Variants in ARMC8 observed in about 807,000 individuals in gnomAD.
The protein encoded by ARMC8 is armadillo repeat containing 8, also known as armadillo repeat-containing protein 8.
In ARMC8, 20 loss-of-function variants were observed where a neutral mutation model predicts 99.3. The observed-to-expected ratio is 0.20, with a 90% CI of 0.14 to 0.29. The LOEUF is 0.29. ARMC8 is among the 10% of genes least tolerant of loss of function. The pLI is 1.00. For missense variants in ARMC8, 569 were observed against 809.5 expected, an observed-to-expected ratio of 0.70 and a Z score of 3.60; for synonymous variants, 263 against 278.3, an observed-to-expected ratio of 0.95 and a Z score of 0.55.
At chr3:138,243,214 T>A (rs912209441) in intron 11 of ARMC8, among the ~76,000 whole-genome samples, 1 of 152,244 alleles carries the variant, frequency 6.6e-6, no homozygotes, top group Admixed American at 6.5e-5. Context: ...ATCATTTAAC[T>A]AGTACGTAGA....
chr3:138,245,849 T>C, intron 12 of ARMC8: 1 of 985,582 alleles, frequency 1.0e-6, no homozygotes, highest in Non-Finnish European at 1.2e-6. Context: ...CTGACTTGGC[T>C]CCTTCCACAA....
chr3:138,267,246 G>T lies in ARMC8; in HGVS notation c.1386+5G>T. ...GAATTTTCTCCAAGCAAAGAGGTTA[G>T]TATTGATTTTCTTTTCCTAGACTTT... On this transcript the variant is annotated splice_donor_5th_base_variant and intron_variant, in intron 15 of 21. Transcript: ENST00000469044. 1 of 1,533,380 alleles carries T rather than the reference G, an allele frequency of 6.5e-7. No homozygotes were observed. Among genetic ancestry groups the T allele is most frequent in the Non-Finnish European group, 8.9e-7 (1 of 1,129,130 alleles). The allele number at this position is 1,533,380 out of a possible 1,614,324, so 95.0% of individuals were successfully genotyped here. A position where few individuals can be genotyped will look rare whatever the true frequency, so the allele number is the denominator to read the frequency against.
chr3:138,274,232 CATGT>C (rs761808314), intron 17 of ARMC8, among the ~76,000 whole-genome samples: 24 of 145,390 alleles, frequency 1.7e-4, no homozygotes, highest in African/African-American at 6.4e-4. Flanking sequence ...TGTGTATATA[CATGT>C]GTGTGTGTGT....
intron 14 of ARMC8, among the ~76,000 whole-genome samples, chr3:138,264,534 C>T (rs1019703386): frequency 4.7e-5 from 7 of 148,050 alleles, no homozygotes; most frequent in South Asian, 2.1e-4. Context: ...ATTCTTCTGC[C>T]TCAGCCTCTC....
At chr3:138,262,886 G>A (rs1484363405) in intron 12 of ARMC8, among the ~76,000 whole-genome samples, 1 of 152,206 alleles carries the variant, frequency 6.6e-6, no homozygotes, top group Non-Finnish European at 1.5e-5. Context: ...GGAGTCACAT[G>A]CCTGGGTACG....
chr3:138,188,162 C>T, intron 1 of ARMC8: 1 of 270,028 alleles, frequency 3.7e-6, no homozygotes, highest in Non-Finnish European at 7.2e-6. Flanking sequence ...TTCGTATCAG[C>T]TGCAACTCTT....
At position 138,298,340 on chromosome 3, in the gene ARMC8, T is replaced by C. The variant is rs549008067; in HGVS notation, c.*2448T>C. ...TCTGGTAGTGTTTGGATAATATGATTTTAACACATGCTAATAAAAGCCAAG... is the reference window on the plus strand; with the variant it reads ...TCTGGTAGTGTTTGGATAATATGATCTTAACACATGCTAATAAAAGCCAAG... On this transcript the variant is annotated 3_prime_UTR_variant, in exon 22 of 22. Transcript: ENST00000469044. 3 of 152,358 alleles carry C rather than the reference T, an allele frequency of 2.0e-5. No homozygotes were observed. In the East Asian group the frequency reaches 5.8e-4, roughly 29 times the overall value. The allele number at this position is 152,358 out of a possible 1,614,324, so 9.4% of individuals were successfully genotyped here.
intron 11 of ARMC8, among the ~76,000 whole-genome samples, chr3:138,242,996 A>G (rs1341018731): frequency 6.6e-6 from 1 of 152,168 alleles, no homozygotes; most frequent in Non-Finnish European, 1.5e-5. Context: ...TGGGTTACAT[A>G]CATTTAACCA....
At chr3:138,244,909 C>T (rs988099303) in intron 11 of ARMC8, among the ~76,000 whole-genome samples, 179 bp from the exon 12 acceptor site, 3 of 152,210 alleles carry the variant, frequency 2.0e-5, no homozygotes, top group Non-Finnish European at 4.4e-5. Context: ...TTGATACGAA[C>T]ACTGCAAAGT....
intron 17 of ARMC8, 52 bp from the exon 18 acceptor site, chr3:138,274,397 G>T (rs140016100): frequency 1.6e-6 from 2 of 1,226,684 alleles, no homozygotes; most frequent in Admixed American, 1.8e-5. Context: ...CCTTGTATTC[G>T]TCCTGTGGTC....
At chr3:138,197,034 C>A (rs74974042) in intron 1 of ARMC8, among the ~76,000 whole-genome samples, 88 of 152,236 alleles carry the variant, frequency 5.8e-4, no homozygotes, top group African/African-American at 2.0e-3. Context: ...GTACTTTGTT[C>A]ACAGAAAGGG....
intron 12 of ARMC8, 105 bp downstream of exon 12, chr3:138,245,288 A>T (rs1319226344): frequency 6.2e-7 from 1 of 1,604,092 alleles, no homozygotes; most frequent in East Asian, 2.2e-5. Flanking sequence ...CTGTTTGAAT[A>T]TAATAAAGCA....
chr3:138,273,792 T>G (rs1191933767), intron 17 of ARMC8, among the ~76,000 whole-genome samples: 1 of 151,996 alleles, frequency 6.6e-6, no homozygotes, highest in Non-Finnish European at 1.5e-5. Context: ...GCTTCCCCCA[T>G]TACCCCAGTC....
chr3:138,233,752 T>C (rs1225133116), intron 6 of ARMC8, among the ~76,000 whole-genome samples: 1 of 152,178 alleles, frequency 6.6e-6, no homozygotes, highest in Admixed American at 6.5e-5. Context: ...AAATAATGGG[T>C]TGGAGAAATT....
intron 12 of ARMC8, 42 bp from the exon 13 acceptor site, chr3:138,263,697 C>T (rs774873142): frequency 6.7e-7 from 1 of 1,482,402 alleles, no homozygotes; most frequent in Admixed American, 1.7e-5. Flanking sequence ...AAGTTTGTCA[C>T]CTTCATGTTG....
intron 9 of ARMC8, chr3:138,237,895 T>G (rs2046412214): frequency 4.7e-6 from 1 of 213,596 alleles, no homozygotes; most frequent in Non-Finnish European, 9.1e-6. Context: ...ACATATACTA[T>G]GCTAAGTATT....
chr3:138,202,539 A>T (rs953217842), intron 1 of ARMC8, among the ~76,000 whole-genome samples: 3 of 152,296 alleles, frequency 2.0e-5, no homozygotes, highest in Admixed American at 6.5e-5. Flanking sequence ...GTATTTCAGG[A>T]TACTTTTACA....
chr3:138,256,776 A>G (rs2047432096), intron 12 of ARMC8, among the ~76,000 whole-genome samples: 1 of 152,056 alleles, frequency 6.6e-6, no homozygotes, highest in African/African-American at 2.4e-5. Flanking sequence ...ACTAATCTTT[A>G]TTGGCCCAAG....
Sources: allele counts gnomAD v4.1 joint callset (sites outside exome capture counted in the v4.1 genomes callset), GRCh38; gene constraint gnomAD v4.1.1; transcripts MANE v1.5; gene names NCBI Gene and HGNC (gene_info 2026-07-23, HGNC 2026-07-21).